The following FABP6 variants were observed in gnomAD, a reference collection of about 807,000 sequenced individuals.
FABP6 encodes gastrotropin.
Under a neutral mutation model 14.9 loss-of-function variants are expected in FABP6, and 13 were observed. The observed-to-expected ratio is 0.87, with a 90% CI of 0.57 to 1.39. The LOEUF (loss-of-function observed/expected upper bound fraction) is 1.39, where lower values mean the gene tolerates loss of function less well. Among genes scored for constraint, FABP6 ranks in the 40% most tolerant of loss-of-function variants. The pLI is 0.00. For missense variants in FABP6, 161 were observed against 167.2 expected (o/e 0.96, Z 0.20); for synonymous variants, 75 against 63.6 (o/e 1.18, Z -0.85).
intron 1 of FABP6, chr5:160,198,759 T>A: frequency 3.2e-6 from 1 of 309,416 alleles, no homozygotes; most frequent in Non-Finnish European, 6.1e-6. Flanking sequence ...TCCTAAGCAT[T>A]AAGGTGTCCA....
chr5:160,217,500 G>A (rs10064225), intron 3 of FABP6, among the ~76,000 whole-genome samples: 5 of 152,126 alleles, frequency 3.3e-5, no homozygotes, highest in Non-Finnish European at 5.9e-5. Context: ...GAAGCTGCAC[G>A]GCCAGCCTGC....
intron 3 of FABP6, among the ~76,000 whole-genome samples, chr5:160,224,342 G>A (rs1328475911): frequency 1.3e-5 from 2 of 152,180 alleles, no homozygotes; most frequent in African/African-American, 4.8e-5. Context: ...AGGATTGATT[G>A]AGCCTGGGAG....
intron 1 of FABP6, chr5:160,197,834 C>T (rs1471237065): frequency 1.3e-5 from 2 of 152,108 alleles, no homozygotes; most frequent in East Asian, 3.9e-4. Context: ...CAGCCTCCCC[C>T]TGCTCCGGAA....
chr5:160,197,921 C>CATGTGTGTGTGTGT (rs1554111880), intron 1 of FABP6: 1 of 127,046 alleles, frequency 7.9e-6, no homozygotes, highest in Non-Finnish European at 1.6e-5. Flanking sequence ...AAGGCTGCTT[C>CATGTGTGTGTGTGT]GTGTGTGTGT....
Position 160,213,567 on chromosome 5 carries a change from C to T in FABP6, c.52-169C>T, listed in dbSNP as rs73817341. Among the ~76,000 whole-genome samples, 245 of 152,320 alleles carry T rather than the reference C, an allele frequency of 1.6e-3. 1 individual carries two copies. Among genetic ancestry groups the T allele is most frequent in the African/African-American group, 5.8e-3 (239 of 41,556 alleles). ...TTTCCAAGCCTGAAAAGTCTGTGAT[C>T]CAGTCGATATCCTTTTGATAAATTT... On this transcript the variant is annotated intron_variant, in intron 2 of 6. Coordinates refer to the FABP6 transcript ENST00000393980.
chr5:160,214,020 G>A (rs1434958254), intron 3 of FABP6, among the ~76,000 whole-genome samples: 1 of 152,156 alleles, frequency 6.6e-6, no homozygotes, highest in Non-Finnish European at 1.5e-5. Context: ...CATGCTGATG[G>A]TTCAACTTTA....
chr5:160,219,684 A>C (rs1359230676), intron 3 of FABP6, among the ~76,000 whole-genome samples: 1 of 26,604 alleles, frequency 3.8e-5, no homozygotes, highest in Non-Finnish European at 9.2e-5. Flanking sequence ...AGTAGCAACT[A>C]AGGAAAAAAA....
intron 3 of FABP6, chr5:160,213,850 C>A (rs1354402585): frequency 3.2e-6 from 5 of 1,576,362 alleles, no homozygotes; most frequent in African/African-American, 2.7e-5. Context: ...GGGAAGGGTT[C>A]CTGACGTTTT....
intron 3 of FABP6, among the ~76,000 whole-genome samples, chr5:160,218,461 CTTT>C (rs10692189): frequency 8.6e-6 from 1 of 116,410 alleles, no homozygotes; most frequent in Admixed American, 1.0e-4. Flanking sequence ...TAGTCTTTGA[CTTT>C]TTTTTTTTTT....
chr5:160,209,843 G>A (rs1259359986), intron 2 of FABP6, among the ~76,000 whole-genome samples: 3 of 152,250 alleles, frequency 2.0e-5, no homozygotes, highest in Non-Finnish European at 4.4e-5. Context: ...GAGCCACTGC[G>A]TCCAGCCCTT....
intron 2 of FABP6, chr5:160,199,249 C>A: frequency 1.5e-6 from 2 of 1,299,210 alleles, no homozygotes; most frequent in Non-Finnish European, 2.2e-6. Flanking sequence ...GGGGGACTTG[C>A]TCGCCTTTCT....
At chr5:160,226,894 A>G (rs1195133312), upstream of FABP6, among the ~76,000 whole-genome samples, 1 of 152,240 alleles carries the variant, frequency 6.6e-6, no homozygotes, top group Non-Finnish European at 1.5e-5. Flanking sequence ...AGTAATAGAT[A>G]TACAAATTTT....
chr5:160,226,841 A>G (rs1760257605), upstream of FABP6, among the ~76,000 whole-genome samples: 1 of 152,194 alleles, frequency 6.6e-6, no homozygotes, highest in African/African-American at 2.4e-5. Flanking sequence ...CACATGCTCT[A>G]GGCGGGAGTG....
intron 1 of FABP6, chr5:160,198,943 G>T: frequency 1.4e-6 from 1 of 690,824 alleles, no homozygotes. Context: ...CCATGTGTCT[G>T]GCACACAGTG....
intron 3 of FABP6, 80 bp from the exon 4 acceptor site, chr5:160,238,526 G>A (rs1760568364): frequency 1.6e-6 from 2 of 1,247,690 alleles, no homozygotes; most frequent in African/African-American, 1.5e-5. Flanking sequence ...CGGGGTTGGA[G>A]ACTCATCTTC....
At chr5:160,230,901 A>C (rs1760366481) in intron 1 of FABP6, among the ~76,000 whole-genome samples, 2 of 152,216 alleles carry the variant, frequency 1.3e-5, no homozygotes, top group South Asian at 4.1e-4. Context: ...TGTGCCAAAC[A>C]CTGTGGGCAG....
At chr5:160,208,367 G>A (rs1759813014) in intron 2 of FABP6, among the ~76,000 whole-genome samples, 1 of 152,072 alleles carries the variant, frequency 6.6e-6, no homozygotes, top group South Asian at 2.1e-4. Context: ...GAGCCCAGGA[G>A]TTTGAGGCTG....
chr5:160,216,440 G>A (rs981513383), intron 3 of FABP6, among the ~76,000 whole-genome samples: 1 of 151,844 alleles, frequency 6.6e-6, no homozygotes, highest in African/African-American at 2.4e-5. Context: ...GCTAATTTTT[G>A]TATTTTTAGT....
At chr5:160,231,938 A>G in intron 1 of FABP6, 160 bp from the exon 2 acceptor site, 1 of 718,362 alleles carries the variant, frequency 1.4e-6, no homozygotes, top group Non-Finnish European at 2.2e-6. Flanking sequence ...CATGGCTCAC[A>G]GCACGTATTA....
Sources: allele counts gnomAD v4.1 joint callset (sites outside exome capture counted in the v4.1 genomes callset), GRCh38; gene constraint gnomAD v4.1.1; transcripts MANE v1.5; gene names NCBI Gene and HGNC (gene_info 2026-07-23, HGNC 2026-07-21).